The following CNTN5 variants were observed in gnomAD, a reference collection of about 807,000 sequenced individuals.
CNTN5 encodes contactin 5.
A neutral mutation model predicts 129.1 loss-of-function variants in CNTN5; 77 were observed. The ratio of observed to expected loss-of-function variants is 0.60; its 90% CI spans 0.50 to 0.72. CNTN5 has a LOEUF of 0.72. Among genes scored for constraint, CNTN5 ranks in the 30% least tolerant of loss-of-function variants. The pLI, the probability that CNTN5 is intolerant of heterozygous loss-of-function variation, is 0.00. For synonymous variants in CNTN5, 509 were observed against 465.6 expected (o/e 1.09, Z -1.20); for missense variants, 1,478 against 1,328.8 (o/e 1.11, Z -1.75).
At chr11:99,346,263 C>T (rs1225293723) in intron 2 of CNTN5, among the ~76,000 whole-genome samples, 2 of 152,102 alleles carry the variant, frequency 1.3e-5, no homozygotes, top group Admixed American at 6.6e-5. Context: ...GATCAACAAT[C>T]GATTGATTAT....
At chr11:99,320,690 T>C (rs1384573950) in intron 1 of CNTN5, among the ~76,000 whole-genome samples, 2 of 152,234 alleles carry the variant, frequency 1.3e-5, no homozygotes, top group Non-Finnish European at 2.9e-5. Context: ...GATATCTTTT[T>C]TTATTCAATA....
At chr11:99,089,647 C>G (rs1291914964) in intron 1 of CNTN5, among the ~76,000 whole-genome samples, 3 of 152,084 alleles carry the variant, frequency 2.0e-5, no homozygotes. Flanking sequence ...CAGTTAGCAA[C>G]TTGTGTTACC....
rs1591398424 is a variant in CNTN5, at chr11:100,213,021, C to T, written c.1885-11671C>T. Among the ~76,000 whole-genome samples, 3 of 152,030 alleles carry T rather than the reference C, an allele frequency of 2.0e-5. No homozygotes were observed. In the East Asian group the frequency reaches 5.8e-4, roughly 29 times the overall value. ...GAATTATTCCCCATGGCAGAAACAA[C>T]ATTTGTATCTGTAATATCTTACTAA... On this transcript the variant is annotated intron_variant, in intron 15 of 24. Coordinates refer to ENST00000524871, the MANE Select transcript of CNTN5 (RefSeq NM_014361.4).
In CNTN5 at chr11:99,897,763, A is replaced by T. The variant is rs932914131; in HGVS notation, c.578-18291A>T. ...TAAAACTCCAAAACAACTAGCTAAC[A>T]ACACTATGTCAGGAATAAAAACTTA... On this transcript the variant is annotated intron_variant, in intron 6 of 24. Transcript: ENST00000524871. Among the ~76,000 whole-genome samples, 3 of 152,216 alleles carry T rather than the reference A, an allele frequency of 2.0e-5. No individual in the cohort carries two copies. In the East Asian group the frequency reaches 5.8e-4, roughly 29 times the overall value.
chr11:99,189,943 G>T (rs1858549806), intron 1 of CNTN5, among the ~76,000 whole-genome samples: 1 of 151,428 alleles, frequency 6.6e-6, no homozygotes, highest in South Asian at 2.1e-4. Flanking sequence ...TACTTTTGTT[G>T]TCTCTGCTTT....
intron 1 of CNTN5, among the ~76,000 whole-genome samples, chr11:99,089,482 G>T (rs12270478): frequency 1.3e-5 from 2 of 152,040 alleles, no homozygotes; most frequent in Non-Finnish European, 2.9e-5. Context: ...GTGTTTTCAC[G>T]ACTTGCCTAG....
chr11:99,831,019 A>T (rs982615331), intron 4 of CNTN5, among the ~76,000 whole-genome samples: 1 of 152,188 alleles, frequency 6.6e-6, no homozygotes, highest in African/African-American at 2.4e-5. Flanking sequence ...TGGATTATAA[A>T]TGGAAAGGAG....
At chr11:99,074,602 G>T (rs1389225618) in intron 1 of CNTN5, among the ~76,000 whole-genome samples, 2 of 152,112 alleles carry the variant, frequency 1.3e-5, no homozygotes, top group African/African-American at 4.8e-5. Flanking sequence ...CTCCCAAATT[G>T]CTGGGATTAC....
intron 2 of CNTN5, among the ~76,000 whole-genome samples, chr11:99,340,387 A>T (rs182024716): frequency 6.6e-6 from 1 of 152,304 alleles, no homozygotes. Flanking sequence ...CAGGAAAAGT[A>T]AGGATTATAG....
At chr11:99,889,527 T>G (rs907893282) in intron 6 of CNTN5, among the ~76,000 whole-genome samples, 4 of 148,980 alleles carry the variant, frequency 2.7e-5, no homozygotes, top group Admixed American at 2.0e-4. Context: ...CCACTAGACA[T>G]TCTTTTTTTT....
chr11:99,687,729 C>T (rs1301383778), intron 3 of CNTN5, among the ~76,000 whole-genome samples: 7 of 152,114 alleles, frequency 4.6e-5, no homozygotes, highest in African/African-American at 1.7e-4. Context: ...ATTCTGCTGC[C>T]TTTATGTACC....
intron 2 of CNTN5, among the ~76,000 whole-genome samples, chr11:99,456,202 G>A (rs779082882): frequency 8.6e-5 from 13 of 151,958 alleles, no homozygotes; most frequent in Non-Finnish European, 1.5e-4. Context: ...TTCTAAAACT[G>A]AAAGGAAAAT....
chr11:100,076,476 T>G (rs758847276), intron 13 of CNTN5, among the ~76,000 whole-genome samples: 8 of 152,100 alleles, frequency 5.3e-5, no homozygotes, highest in Non-Finnish European at 8.8e-5. Context: ...ATAAGCTTAC[T>G]AAATTTTTTA....
chr11:99,594,165 T>C (rs1309984327), intron 3 of CNTN5, among the ~76,000 whole-genome samples: 1 of 152,220 alleles, frequency 6.6e-6, no homozygotes, highest in South Asian at 2.1e-4. Flanking sequence ...GCAGATAGTG[T>C]TGCTTTATTG....
intron 13 of CNTN5, among the ~76,000 whole-genome samples, chr11:100,154,691 C>G (rs1947177950): frequency 6.6e-6 from 1 of 152,062 alleles, no homozygotes; most frequent in African/African-American, 2.4e-5. Context: ...TCTGTTGTTT[C>G]CTGACTTTTT....
rs139956124 is a variant in CNTN5, at chr11:99,624,205, C to G, written c.55+67936C>G. The stretch of plus-strand genomic sequence containing the variant: ...TGAAAGCAGAACCTATTTCTCGGTG[C>G]CCTTCTGTGTATGCATTGCCTAGAT... On this transcript the variant is annotated intron_variant, in intron 3 of 24. Transcript: ENST00000524871. 4.7e-3 allele frequency among the ~76,000 whole-genome samples: 716 copies of G among 151,348 alleles called. 27 individuals are homozygous for G. Among genetic ancestry groups the G allele is most frequent in the Admixed American group, 0.043 (646 of 15,162 alleles).
intron 3 of CNTN5, among the ~76,000 whole-genome samples, chr11:99,582,481 G>C (rs1949641722): frequency 6.6e-6 from 1 of 152,106 alleles, no homozygotes; most frequent in South Asian, 2.1e-4. Flanking sequence ...CATAGATTTT[G>C]TCTTTTCACA....
At chr11:100,070,100 T>C (rs1295026775) in intron 10 of CNTN5, among the ~76,000 whole-genome samples, 1 of 150,754 alleles carries the variant, frequency 6.6e-6, no homozygotes, top group East Asian at 2.0e-4. Flanking sequence ...AGCAATTGAC[T>C]CTAGTACCTG....
At chr11:99,165,469 T>C (rs1325027162) in intron 1 of CNTN5, among the ~76,000 whole-genome samples, 1 of 152,152 alleles carries the variant, frequency 6.6e-6, no homozygotes, top group Non-Finnish European at 1.5e-5. Context: ...ACACTAGCCG[T>C]CTGTAAATAC....
Sources: gnomAD v4.1 joint callset for allele counts (sites outside exome capture counted in the v4.1 genomes callset) on GRCh38, gnomAD v4.1.1 for gene constraint, MANE v1.5 for transcripts, NCBI Gene and HGNC (gene_info 2026-07-23, HGNC 2026-07-21) for gene names.